Variants in ACAA2 observed in about 807,000 individuals in gnomAD.
ACAA2 encodes acetyl-CoA acyltransferase 2.
ACAA2 carries 35 observed loss-of-function variants against 44.8 expected under a neutral mutation model. That is an observed-to-expected ratio of 0.78 (90% confidence interval 0.60 to 1.04). The LOEUF (loss-of-function observed/expected upper bound fraction) is 1.04, where lower values mean the gene tolerates loss of function less well. Ranked by LOEUF, ACAA2 falls within the 50% of genes least tolerant of loss-of-function variation. The pLI is 0.00. For missense variants in ACAA2, 468 were observed against 482.6 expected (o/e 0.97, Z 0.28); for synonymous variants, 142 against 166.5 (o/e 0.85, Z 1.13).
intron 7 of ACAA2, among the ~76,000 whole-genome samples, chr18:49,788,175 A>G (rs954738235): frequency 3.3e-5 from 5 of 152,384 alleles, no homozygotes; most frequent in Non-Finnish European, 7.3e-5. Context: ...ATTTAAATCC[A>G]TATTTTTTCT....
rs1190691830 is a variant in ACAA2 at position 49,795,817 on chromosome 18, G to A, written c.377C>T (p.Pro126Leu). The part of the protein sequence containing the change: ...CGGTESMSQA[P>L]YCVRNVRFGT... ...AAAACGCACATTTCTGACACAGTAG[G>A]GAGCTTGGCTCATGCTTTCGGTTCC... Residue 126 changes from proline (P) to leucine (L), a missense_variant, in exon 4 of 10, where the codon CCC becomes CTC. Pro to Leu is a moderately conservative substitution (Grantham distance 98). Coordinates refer to ENST00000285093, the MANE Select transcript of ACAA2 (RefSeq NM_006111.3). 1.2e-6 allele frequency: 2 copies of A among 1,611,608 alleles called. No individual in the cohort carries two copies. The highest frequency in any genetic ancestry group is 1.3e-5 in the African/African-American group (1 of 74,818).
At chr18:49,807,916 T>C (rs1034359677) in intron 1 of ACAA2, among the ~76,000 whole-genome samples, 2 of 144,616 alleles carry the variant, frequency 1.4e-5, no homozygotes, top group Non-Finnish European at 3.0e-5. Context: ...AAAATATTTA[T>C]AAAAACACCT....
intron 2 of ACAA2, 31 bp downstream of exon 2, chr18:49,802,656 A>G (rs1290918645): frequency 7.6e-6 from 12 of 1,583,296 alleles, no homozygotes; most frequent in Non-Finnish European, 9.4e-6. Flanking sequence ...AAGAAGCAAT[A>G]GGAGTGAACA....
intron 2 of ACAA2, 32 bp downstream of exon 2, chr18:49,802,655 T>A: frequency 6.3e-7 from 1 of 1,580,328 alleles, no homozygotes; most frequent in Non-Finnish European, 8.6e-7. Flanking sequence ...AAAGAAGCAA[T>A]AGGAGTGAAC....
At chr18:49,785,569 G>A in intron 8 of ACAA2, 1 of 536,184 alleles carries the variant, frequency 1.9e-6, no homozygotes, top group South Asian at 2.3e-5. Flanking sequence ...TCCCTTAGAG[G>A]CAATTCTCAG....
chr18:49,788,600 T>C (rs564932871), intron 7 of ACAA2, among the ~76,000 whole-genome samples: 1 of 152,278 alleles, frequency 6.6e-6, no homozygotes, highest in South Asian at 2.1e-4. Flanking sequence ...ATGAGATGGG[T>C]AGTCAGTAGT....
chr18:49,797,701 A>C, intron 2 of ACAA2, 107 bp from the exon 3 acceptor site: 2 of 910,386 alleles, frequency 2.2e-6, no homozygotes, highest in South Asian at 1.8e-5. Context: ...ATGATAAACT[A>C]TATGGCTCTA....
chr18:49,810,962 T>C (rs1598804618), intron 1 of ACAA2, among the ~76,000 whole-genome samples: 1 of 47,254 alleles, frequency 2.1e-5, no homozygotes, highest in South Asian at 4.3e-4. Flanking sequence ...AGATAGACTA[T>C]AAAGGTTTAA....
intron 8 of ACAA2, among the ~76,000 whole-genome samples, chr18:49,786,918 AC>A (rs2023336988): frequency 6.6e-6 from 1 of 152,180 alleles, no homozygotes; most frequent in African/African-American, 2.4e-5. Flanking sequence ...TAGATTTGGC[AC>A]TAAATATTGC....
chr18:49,782,835 G>A lies in ACAA2; in HGVS notation c.*1012C>T, dbSNP rs1483337239. On this transcript the variant is annotated 3_prime_UTR_variant, in exon 10 of 10. Transcript: ENST00000285093. ...TGCACTCCAGCCTGGAGGACAGAGC[G>A]AGACTCTGTCTCAAAAAAAAAAAAA... The A allele has an allele frequency of 2.7e-5, 4 of 146,180 alleles. No homozygotes were observed. Among genetic ancestry groups the A allele is most frequent in the African/African-American group, 7.6e-5 (3 of 39,610 alleles). 9.1% of individuals were successfully genotyped at this position (146,180 alleles called of 1,614,324 possible).
At chr18:49,790,911 G>T (rs865790007) in intron 7 of ACAA2, among the ~76,000 whole-genome samples, 1 of 152,188 alleles carries the variant, frequency 6.6e-6, no homozygotes, top group Non-Finnish European at 1.5e-5. Flanking sequence ...GAGAGCACTT[G>T]ATTTCAGAGA....
chr18:49,810,045 A>G (rs915480268), intron 1 of ACAA2, among the ~76,000 whole-genome samples: 4 of 152,220 alleles, frequency 2.6e-5, no homozygotes, highest in African/African-American at 9.6e-5. Context: ...CAAAGTTTGT[A>G]AATTTTTTCT....
At chr18:49,797,657 C>A (rs1479898193) in intron 2 of ACAA2, 63 bp from the exon 3 acceptor site, 8 of 1,366,630 alleles carry the variant, frequency 5.9e-6, no homozygotes, top group Non-Finnish European at 7.9e-6. Flanking sequence ...AGAACAAGCA[C>A]GAAATACATG....
rs2023291884 is a variant in ACAA2 at position 49,783,674 on chromosome 18, T to C, written c.*173A>G. 5.3e-6 allele frequency: 3 copies of C among 566,490 alleles called. No homozygotes were observed. Among genetic ancestry groups the C allele is most frequent in the South Asian group, 5.0e-5 (2 of 39,994 alleles). The allele number at this position is 566,490 out of a possible 1,614,324, so 35.1% of individuals were successfully genotyped here. A position where few individuals can be genotyped will look rare whatever the true frequency, so the allele number is the denominator to read the frequency against. ...AATCTGAGAGAATGTACTTCTAGCA[T>C]GGGCTCCTATTCATGATCAATGCAT... is the stretch of plus-strand genomic sequence containing the variant. On this transcript the variant is annotated 3_prime_UTR_variant, in exon 10 of 10. Coordinates refer to ENST00000285093, the MANE Select transcript of ACAA2 (RefSeq NM_006111.3).
chr18:49,809,507 C>CA (rs1353309346), intron 1 of ACAA2, among the ~76,000 whole-genome samples: 1 of 152,134 alleles, frequency 6.6e-6, no homozygotes, highest in Non-Finnish European at 1.5e-5. Flanking sequence ...AATGGATAAA[C>CA]AAACTGTGGT....
At chr18:49,787,479 C>G (rs1345316100) in intron 7 of ACAA2, 118 bp from the exon 8 acceptor site, 47 of 724,988 alleles carry the variant, frequency 6.5e-5, no homozygotes, top group Non-Finnish European at 3.7e-5. Flanking sequence ...TTATTAGTAG[C>G]CACAAATCTT....
At chr18:49,784,905 G>A (rs2023309455) in intron 9 of ACAA2, among the ~76,000 whole-genome samples, 1 of 152,192 alleles carries the variant, frequency 6.6e-6, no homozygotes, top group South Asian at 2.1e-4. Context: ...ATGAGAAGCA[G>A]GGCCTCATTA....
chr18:49,785,895 G>A (rs2023323134), intron 8 of ACAA2: 1 of 152,364 alleles, frequency 6.6e-6, no homozygotes, highest in Non-Finnish European at 1.5e-5. Flanking sequence ...ATCCTTCCAA[G>A]AAGCTGACAC....
chr18:49,809,522 C>A (rs2023645863), intron 1 of ACAA2, among the ~76,000 whole-genome samples: 1 of 152,120 alleles, frequency 6.6e-6, no homozygotes, highest in Non-Finnish European at 1.5e-5. Flanking sequence ...TGTGGTGCAG[C>A]CATACAATGG....
Sources: gnomAD v4.1 joint callset for allele counts (sites outside exome capture counted in the v4.1 genomes callset) on GRCh38, gnomAD v4.1.1 for gene constraint, MANE v1.5 for transcripts, NCBI Gene and HGNC (gene_info 2026-07-23, HGNC 2026-07-21) for gene names.